Variants in IMMP1L observed in about 807,000 individuals in gnomAD.
IMMP1L encodes inner mitochondrial membrane peptidase subunit 1.
A neutral mutation model predicts 21.8 loss-of-function variants in IMMP1L; 24 were observed. The ratio of observed to expected loss-of-function variants is 1.10; its 90% CI spans 0.80 to 1.55. The LOEUF is 1.55. Among genes scored for constraint, IMMP1L ranks in the 40% most tolerant of loss-of-function variants. IMMP1L has a pLI of 0.00. For missense variants in IMMP1L, 195 were observed against 200.7 expected (o/e 0.97, Z 0.17); for synonymous variants, 46 against 62.8 (o/e 0.73, Z 1.26).
intron 1 of IMMP1L, among the ~76,000 whole-genome samples, chr11:31,496,638 T>C (rs1359123697): frequency 2.6e-5 from 4 of 151,366 alleles, no homozygotes. Flanking sequence ...TGTGTGTGTA[T>C]ATTATAAATA....
chr11:31,474,201 G>A (rs1011582930), intron 1 of IMMP1L, among the ~76,000 whole-genome samples: 1 of 152,128 alleles, frequency 6.6e-6, no homozygotes, highest in African/African-American at 2.4e-5. Context: ...TTTCCCCACA[G>A]AATGATGCAT....
At chr11:31,465,291 T>C (rs1007239781) in intron 1 of IMMP1L, among the ~76,000 whole-genome samples, 35 of 152,054 alleles carry the variant, frequency 2.3e-4, no homozygotes, top group South Asian at 2.1e-4. Context: ...ACTGAAAGAA[T>C]TGAAGAGGAC....
chr11:31,485,376 CTGGAAAACA>C (rs1346961074), intron 1 of IMMP1L, among the ~76,000 whole-genome samples: 1 of 151,786 alleles, frequency 6.6e-6, no homozygotes, highest in Non-Finnish European at 1.5e-5. Context: ...AACTGTTTAG[CTGGAAAACA>C]TGTAAATGAT....
At chr11:31,467,293 G>C (rs981373016) in intron 1 of IMMP1L, among the ~76,000 whole-genome samples, 8 of 152,072 alleles carry the variant, frequency 5.3e-5, no homozygotes, top group African/African-American at 1.4e-4. Flanking sequence ...TGTCATCCTA[G>C]CTCTGTCCAC....
chr11:31,491,964 G>A (rs555372315), intron 1 of IMMP1L, among the ~76,000 whole-genome samples: 1 of 152,180 alleles, frequency 6.6e-6, no homozygotes, highest in Admixed American at 6.5e-5. Context: ...AGGCAGAGTA[G>A]CTTTAGTATA....
chr11:31,462,777 T>C (rs1042279348), intron 2 of IMMP1L, among the ~76,000 whole-genome samples: 10 of 152,176 alleles, frequency 6.6e-5, no homozygotes, highest in African/African-American at 2.4e-4. Flanking sequence ...GTTCATTTCC[T>C]CATGTGTATA....
At chr11:31,485,880 A>T (rs1220774492) in intron 1 of IMMP1L, among the ~76,000 whole-genome samples, 2 of 151,886 alleles carry the variant, frequency 1.3e-5, no homozygotes, top group Non-Finnish European at 3.0e-5. Context: ...CAGAGCCATT[A>T]TAAAAAAACT....
At chr11:31,485,496 C>T (rs1431264398) in intron 1 of IMMP1L, among the ~76,000 whole-genome samples, 1 of 151,744 alleles carries the variant, frequency 6.6e-6, no homozygotes, top group Non-Finnish European at 1.5e-5. Context: ...ATCTCAATAT[C>T]CTGTAAAAAC....
chr11:31,466,912 T>A (rs1458830164), intron 1 of IMMP1L, among the ~76,000 whole-genome samples: 1 of 152,134 alleles, frequency 6.6e-6, no homozygotes, highest in East Asian at 1.9e-4. Context: ...AGAAGATCTT[T>A]AATGTTCACA....
At chr11:31,505,902 C>T (rs1227232069) in intron 1 of IMMP1L, among the ~76,000 whole-genome samples, 3 of 152,200 alleles carry the variant, frequency 2.0e-5, no homozygotes, top group African/African-American at 7.2e-5. Context: ...AATACATATA[C>T]AAATTATGTG....
intron 1 of IMMP1L, among the ~76,000 whole-genome samples, chr11:31,471,370 C>A (rs896402353): frequency 3.9e-5 from 6 of 152,154 alleles, no homozygotes; most frequent in Non-Finnish European, 1.5e-5. Context: ...CCGTGTATGG[C>A]CTCCAGGTAT....
intron 4 of IMMP1L, among the ~76,000 whole-genome samples, chr11:31,435,196 A>G (rs1434974639): frequency 1.3e-5 from 2 of 152,202 alleles, no homozygotes; most frequent in South Asian, 2.1e-4. Context: ...TAAGGCAACT[A>G]TCAACAATCT....
At chr11:31,495,865 C>T (rs972682025) in intron 1 of IMMP1L, among the ~76,000 whole-genome samples, 2 of 152,072 alleles carry the variant, frequency 1.3e-5, no homozygotes, top group African/African-American at 4.8e-5. Flanking sequence ...ATAAAATTAA[C>T]TCAAAATAGA....
At chr11:31,457,166 C>T (rs1953976183) in intron 3 of IMMP1L, among the ~76,000 whole-genome samples, 1 of 151,674 alleles carries the variant, frequency 6.6e-6, no homozygotes, top group Non-Finnish European at 1.5e-5. Flanking sequence ...GAAAAAAAAT[C>T]AAAAGATACA....
chr11:31,468,560 GA>G (rs1234780026), intron 1 of IMMP1L, among the ~76,000 whole-genome samples: 1 of 151,940 alleles, frequency 6.6e-6, no homozygotes, highest in Admixed American at 6.6e-5. Flanking sequence ...AACACTTGGG[GA>G]AAAAAGGGTG....
intron 1 of IMMP1L, among the ~76,000 whole-genome samples, chr11:31,501,434 CTT>C (rs1406632367): frequency 1.3e-5 from 2 of 152,134 alleles, no homozygotes; most frequent in Non-Finnish European, 2.9e-5. Flanking sequence ...CTTGCTCTCT[CTT>C]GGGCCACTCC....
At chr11:31,441,814 CTT>C (rs1953339761) in intron 4 of IMMP1L, among the ~76,000 whole-genome samples, 1 of 152,040 alleles carries the variant, frequency 6.6e-6, no homozygotes, top group African/African-American at 2.4e-5. Flanking sequence ...GCTATGATAA[CTT>C]TACAACTAAG....
chr11:31,435,284 T>C (rs1276819492), intron 4 of IMMP1L, among the ~76,000 whole-genome samples: 1 of 152,204 alleles, frequency 6.6e-6, no homozygotes, highest in Non-Finnish European at 1.5e-5. Flanking sequence ...AAGCTTTCCC[T>C]AAACTTGCCT....
rs137923420 is a variant in IMMP1L at position 31,482,995 on chromosome 11, A to G, written c.-29-19690T>C. On this transcript the variant is annotated intron_variant, in intron 1 of 5. Transcript: ENST00000532287. ...TTCACAACTACATGCAGCAATAAAA[A>G]CAAACTACAACTATATAGATAAATC... is the stretch of plus-strand genomic sequence containing the variant. 2.3e-4 allele frequency among the ~76,000 whole-genome samples: 35 copies of G among 152,180 alleles called. No individual in the cohort carries two copies. The East Asian group carries it at 6.8e-3, about 29-fold the overall frequency.
Sources: gnomAD v4.1 joint callset for allele counts (sites outside exome capture counted in the v4.1 genomes callset) on GRCh38, gnomAD v4.1.1 for gene constraint, MANE v1.5 for transcripts, NCBI Gene and HGNC (gene_info 2026-07-23, HGNC 2026-07-21) for gene names.